The following LHFPL6 variants were observed in gnomAD, a reference collection of about 807,000 sequenced individuals.
LHFPL6 encodes LHFPL tetraspan subfamily member 6.
A neutral mutation model predicts 20.6 loss-of-function variants in LHFPL6; 9 were observed. The ratio of observed to expected loss-of-function variants is 0.44; its 90% confidence interval spans 0.26 to 0.76. The LOEUF (loss-of-function observed/expected upper bound fraction) is 0.76, where lower values mean the gene tolerates loss of function less well. LHFPL6 is among the 30% of genes least tolerant of loss of function. The pLI is 0.20. For missense variants in LHFPL6, 218 were observed against 253.5 expected, an observed-to-expected ratio of 0.86 and a Z score of 0.95; for synonymous variants, 105 against 98.7, an observed-to-expected ratio of 1.06 and a Z score of -0.38.
chr13:39,412,854 G>A lies in LHFPL6; in HGVS notation c.386-34328C>T, dbSNP rs146797405. On this transcript the variant is annotated intron_variant, in intron 2 of 3. Coordinates refer to ENST00000379589, the MANE Select transcript of LHFPL6 (RefSeq NM_005780.3). ...AGAGAACTGCTCGAACCCGGGAGGC[G>A]GAGGTTGCAGTGAGCCGAGATTGCA... 6.3e-3 allele frequency among the ~76,000 whole-genome samples: 964 copies of A among 151,954 alleles called. 6 individuals are homozygous for A. Among genetic ancestry groups the A allele is most frequent in the Non-Finnish European group, 0.01 (705 of 67,954 alleles).
chr13:39,378,311 C>T, intron 3 of LHFPL6, 117 bp downstream of exon 3: 1 of 696,798 alleles, frequency 1.4e-6, no homozygotes, highest in South Asian at 1.7e-5. Flanking sequence ...CACGTGACTA[C>T]TGGCTGTAAT....
intron 2 of LHFPL6, among the ~76,000 whole-genome samples, chr13:39,440,457 G>A (rs73460981): frequency 1.3e-5 from 2 of 152,092 alleles, no homozygotes; most frequent in African/African-American, 2.4e-5. Flanking sequence ...AGTGAGATAC[G>A]AGTCTTTATA....
intron 2 of LHFPL6, among the ~76,000 whole-genome samples, chr13:39,379,163 G>T (rs750846927): frequency 6.6e-6 from 1 of 152,144 alleles, no homozygotes; most frequent in African/African-American, 2.4e-5. Flanking sequence ...AAGTTTTGAT[G>T]ACTAAACCAA....
chr13:39,471,379 G>A (rs1040445426), intron 2 of LHFPL6, among the ~76,000 whole-genome samples: 25 of 152,092 alleles, frequency 1.6e-4, no homozygotes, highest in African/African-American at 6.0e-4. Context: ...TTTTCTCCTG[G>A]AAGATATTAA....
chr13:39,498,430 T>G (rs1325111170), intron 2 of LHFPL6, among the ~76,000 whole-genome samples: 1 of 152,228 alleles, frequency 6.6e-6, no homozygotes, highest in Non-Finnish European at 1.5e-5. Context: ...ACGTTTTCTA[T>G]CTACACATAG....
intron 2 of LHFPL6, among the ~76,000 whole-genome samples, chr13:39,515,761 C>T (rs1869891302): frequency 6.6e-6 from 1 of 151,744 alleles, no homozygotes; most frequent in Non-Finnish European, 1.5e-5. Context: ...TGATGAGAGA[C>T]AGAAGAAAAG....
At chr13:39,384,967 G>T (rs1261034559) in intron 2 of LHFPL6, among the ~76,000 whole-genome samples, 1 of 152,230 alleles carries the variant, frequency 6.6e-6, no homozygotes, top group African/African-American at 2.4e-5. Context: ...AAGGTGGGTT[G>T]CAGGAAGAGG....
intron 2 of LHFPL6, among the ~76,000 whole-genome samples, chr13:39,443,643 G>A (rs1287868805): frequency 6.6e-6 from 1 of 152,090 alleles, no homozygotes; most frequent in African/African-American, 2.4e-5. Flanking sequence ...TGGTCAGAAT[G>A]TTGGTAGAAA....
rs147526623 is a variant in LHFPL6, at chr13:39,423,958, C to T, written c.386-45432G>A. On this transcript the variant is annotated intron_variant, in intron 2 of 3. Coordinates refer to ENST00000379589, the MANE Select transcript of LHFPL6 (RefSeq NM_005780.3). Reference sequence around the variant, plus strand: ...AGTAAAACCAATTGAGAAACTGCAACAGTACAGCAGGTGAGGGATGGGAGT... The same window carrying T: ...AGTAAAACCAATTGAGAAACTGCAATAGTACAGCAGGTGAGGGATGGGAGT... 5.5e-4 allele frequency among the ~76,000 whole-genome samples: 83 copies of T among 152,114 alleles called. 1 individual carries two copies. Among genetic ancestry groups the T allele is most frequent in the African/African-American group, 1.8e-3 (74 of 41,486 alleles).
intron 2 of LHFPL6, among the ~76,000 whole-genome samples, chr13:39,427,980 T>C (rs1025194945): frequency 6.6e-6 from 1 of 152,242 alleles, no homozygotes; most frequent in African/African-American, 2.4e-5. Context: ...GGCTCCCCGC[T>C]TCACCTTGAG....
intron 2 of LHFPL6, among the ~76,000 whole-genome samples, chr13:39,573,810 T>G (rs1015438564): frequency 1.3e-5 from 2 of 152,236 alleles, no homozygotes; most frequent in African/African-American, 2.4e-5. Flanking sequence ...TTTGAAACTT[T>G]ATAGGAAATA....
intron 2 of LHFPL6, among the ~76,000 whole-genome samples, chr13:39,423,174 A>T (rs1871542750): frequency 6.6e-6 from 1 of 152,206 alleles, no homozygotes; most frequent in Non-Finnish European, 1.5e-5. Context: ...CTTGTGTATA[A>T]TTCTCAACAA....
At chr13:39,382,777 T>C (rs1870476484) in intron 2 of LHFPL6, among the ~76,000 whole-genome samples, 3 of 152,298 alleles carry the variant, frequency 2.0e-5, no homozygotes, top group Admixed American at 6.5e-5. Context: ...TTTAAAAACA[T>C]ACCATGAACA....
chr13:39,482,884 G>A (rs1456245400), intron 2 of LHFPL6, among the ~76,000 whole-genome samples: 1 of 152,210 alleles, frequency 6.6e-6, no homozygotes, highest in Non-Finnish European at 1.5e-5. Flanking sequence ...GACTCAAGTG[G>A]AGGGGCTGCC....
At chr13:39,363,028 T>C (rs1869917739) in intron 3 of LHFPL6, among the ~76,000 whole-genome samples, 1 of 152,210 alleles carries the variant, frequency 6.6e-6, no homozygotes, top group Non-Finnish European at 1.5e-5. Context: ...GGTTATATAT[T>C]CGATGTGGGA....
At position 39,378,448 on chromosome 13, in the gene LHFPL6, G is replaced by A; in HGVS notation, c.464C>T (p.Thr155Ile). 1.2e-6 allele frequency: 2 copies of A among 1,613,860 alleles called. No individual in the cohort carries two copies. The highest frequency in any genetic ancestry group is 1.7e-6 in the Non-Finnish European group (2 of 1,179,882). ...SEEVRQTCGY[T>I]SGQFDLGKCE... is the part of the protein sequence containing the mutation. ...CTTACCCAGGTCAAACTGGCCAGAA[G>A]TGTAGCCACAAGTCTGCCGGACTTC... is the stretch of plus-strand genomic sequence containing the variant. Residue 155 changes from threonine (T) to isoleucine (I), a missense_variant, in exon 3 of 4, where the codon ACT becomes ATT. By Grantham distance (89) the Thr-to-Ile change is moderately conservative (BLOSUM62 -1). Transcript: ENST00000379589.
chr13:39,570,737 G>A (rs142055335), intron 2 of LHFPL6, among the ~76,000 whole-genome samples: 14 of 152,174 alleles, frequency 9.2e-5, no homozygotes, highest in East Asian at 5.8e-4. Context: ...CACTATCAAC[G>A]GTCAGTATGG....
intron 3 of LHFPL6, among the ~76,000 whole-genome samples, chr13:39,369,599 C>CTTCCTTCCTTCCTTCCTTCCT (rs370421871): frequency 2.5e-5 from 1 of 40,248 alleles, no homozygotes; most frequent in Non-Finnish European, 6.7e-5. Flanking sequence ...TCCTTCCTTC[C>CTTCCTTCCTTCCTTCCTTCCT]TCCCTCTCTC....
At chr13:39,368,406 AC>A (rs1870065355) in intron 3 of LHFPL6, among the ~76,000 whole-genome samples, 1 of 152,034 alleles carries the variant, frequency 6.6e-6, no homozygotes, top group Admixed American at 6.6e-5. Context: ...CCATGGTGAA[AC>A]CCTGTCTCTA....
Sources: gnomAD v4.1 joint callset for allele counts (sites outside exome capture counted in the v4.1 genomes callset) on GRCh38, gnomAD v4.1.1 for gene constraint, MANE v1.5 for transcripts, NCBI Gene and HGNC (gene_info 2026-07-23, HGNC 2026-07-21) for gene names.